Variants in ZNF697 observed in about 807,000 individuals in gnomAD.
ZNF697 encodes zinc finger protein 697.
A neutral mutation model predicts 32.4 loss-of-function variants in ZNF697; 23 were observed. That is an observed-to-expected ratio of 0.71 (90% CI 0.51 to 1.01). The LOEUF is 1.01. Among genes scored for constraint, ZNF697 ranks in the 50% least tolerant of loss-of-function variants. The pLI, the probability that ZNF697 is intolerant of heterozygous loss-of-function variation, is 0.00. For missense variants in ZNF697, 930 were observed against 794.0 expected (o/e 1.17, Z -2.06); for synonymous variants, 418 against 337.2 (o/e 1.24, Z -2.62).
chr1:119,625,611 G>A (rs587754260), intron 2 of ZNF697, among the ~76,000 whole-genome samples: 2 of 152,128 alleles, frequency 1.3e-5, no homozygotes, highest in Admixed American at 1.3e-4. Context: ...GTTGTTCCAG[G>A]GGTTAATTTA....
At position 119,621,838 on chromosome 1, in the gene ZNF697, T is replaced by G. The variant is rs1381056713; in HGVS notation, c.*867A>C. 2.0e-5 allele frequency: 3 copies of G among 151,952 alleles called. No individual in the cohort carries two copies. The highest frequency in any genetic ancestry group is 7.3e-5 in the African/African-American group (3 of 41,328). The allele number at this position is 151,952 out of a possible 1,614,324, so 9.4% of individuals were successfully genotyped here. On this transcript the variant is annotated 3_prime_UTR_variant, in exon 3 of 3. Coordinates refer to ENST00000421812, the MANE Select transcript of ZNF697 (RefSeq NM_001080470.2). Reference sequence around the variant, plus strand: ...GAGGTGGGAAAAGGAAAGTCACACATAGCTGTGATTGTTCCTTTTCCCTGC... The same window carrying G: ...GAGGTGGGAAAAGGAAAGTCACACAGAGCTGTGATTGTTCCTTTTCCCTGC...
chr1:119,623,441 C>G lies in ZNF697; in HGVS notation c.902G>C (p.Arg301Pro). Residue 301 changes from arginine to proline, a missense_variant, in exon 3 of 3, where the codon CGC (arginine) becomes CCC (proline). By Grantham distance (103) the Arg-to-Pro change is moderately radical. Transcript: ENST00000421812. ...GCGCCGGTGCTTGAGCAGGTCGGCG[C>G]GCCAGCTGAAGCTCTTGCCGCAGTC... ...CADCGKSFSW[R>P]ADLLKHRRLH... 3 of 1,548,606 alleles carry G rather than the reference C, an allele frequency of 1.9e-6. No homozygotes were observed. The highest frequency in any genetic ancestry group is 2.6e-6 in the Non-Finnish European group (3 of 1,149,092).
In ZNF697 at chr1:119,623,667, C is replaced by G. The variant is rs1211017361; in HGVS notation, c.676G>C (p.Gly226Arg). 5.2e-6 allele frequency: 8 copies of G among 1,526,076 alleles called. No individual in the cohort carries two copies. The highest frequency in any genetic ancestry group is 7.0e-6 in the Non-Finnish European group (8 of 1,142,780). 94.5% of individuals were successfully genotyped at this position (1,526,076 alleles called of 1,614,324 possible). Reference protein sequence around the residue: ...AAAAASLEPFGLAGECDAMVG... With the variant: ...AAAAASLEPFRLAGECDAMVG... ...ATCGCGTCGCACTCGCCCGCCAGGC[C>G]GAAGGGCTCCAGGCTGGCGGCGGCA... is the stretch of plus-strand genomic sequence containing the variant. The change falls in exon 3 of 3, where the codon GGC becomes CGC. Residue 226 changes from glycine to arginine, a missense_variant. Gly to Arg is a moderately radical substitution (Grantham distance 125). Transcript: ENST00000421812.
At chr1:119,645,820 C>T (rs1379705988) in intron 1 of ZNF697, among the ~76,000 whole-genome samples, 3 of 152,110 alleles carry the variant, frequency 2.0e-5, no homozygotes, top group Non-Finnish European at 4.4e-5. Context: ...AAGAAAAGCC[C>T]ATATGGTACT....
Position 119,623,581 on chromosome 1 carries a change from CCGGGCCAGCGG to C in ZNF697, c.751_761del (p.Pro251AlafsTer180). The C allele has an allele frequency of 1.4e-6, 2 of 1,453,944 alleles. No homozygotes were observed. The highest frequency in any genetic ancestry group is 1.4e-5 in the South Asian group (1 of 71,896). 90.1% of individuals were successfully genotyped at this position (1,453,944 alleles called of 1,614,324 possible). On this transcript the variant is annotated frameshift_variant, in exon 3 of 3. Transcript: ENST00000421812. LOFTEE classifies it high-confidence loss of function. The stretch of plus-strand genomic sequence containing the variant: ...AGCGGAAGGGCTTTTCGCGCGGGGG[CCGGGCCAGCGG>C]GGGCCCGGCCCCGAAGCCCCCCGCC...
In ZNF697 at chr1:119,623,527, G is replaced by A. The variant is rs1376071194; in HGVS notation, c.816C>T (p.Arg272=). The change falls in exon 3 of 3, where the codon CGC becomes CGT. Residue 272 remains arginine, a synonymous_variant. Coordinates refer to ENST00000421812, the MANE Select transcript of ZNF697 (RefSeq NM_001080470.2). ...RCGECGKGFS[R]NTYLTNHLRL... ...GCAGGTGGTTGGTCAGGTAGGTGTTGCGGCTGAAGCCCTTGCCGCACTCCC... is the reference window on the plus strand; with the variant it reads ...GCAGGTGGTTGGTCAGGTAGGTGTTACGGCTGAAGCCCTTGCCGCACTCCC... The A allele has an allele frequency of 1.3e-6, 2 of 1,559,292 alleles. No individual in the cohort carries two copies. Among genetic ancestry groups the A allele is most frequent in the South Asian group, 2.3e-5 (2 of 85,852 alleles).
Position 119,623,999 on chromosome 1 carries a change from C to G in ZNF697, c.344G>C (p.Ser115Thr). 6.2e-7 allele frequency: 1 copy of G among 1,612,714 alleles called. No individual in the cohort carries two copies. Among genetic ancestry groups the G allele is most frequent in the East Asian group, 2.2e-5 (1 of 44,842 alleles). ...GLSESDSISR[S>T]LREDDDESAG... ...ACTCTCGTCGTCGTCCTCCCGGAGG[C>G]TCCGGGATATGCTGTCAGACTCAGA... The change falls in exon 3 of 3, where the codon AGC becomes ACC. Residue 115 changes from serine to threonine, a missense_variant. By Grantham distance (58) the Ser-to-Thr change is moderately conservative. Transcript: ENST00000421812.
intron 1 of ZNF697, among the ~76,000 whole-genome samples, chr1:119,636,495 G>T (rs971161252): frequency 6.6e-6 from 1 of 152,192 alleles, no homozygotes; most frequent in Non-Finnish European, 1.5e-5. Context: ...ATCTTTTGGC[G>T]TGCTGGTGGA....
rs776342588 is a variant in ZNF697 at position 119,623,074 on chromosome 1, G to A, written c.1269C>T (p.His423=). Residue 423 remains histidine, a synonymous_variant, in exon 3 of 3, where the codon CAC becomes CAT. Coordinates refer to ENST00000421812, the MANE Select transcript of ZNF697 (RefSeq NM_001080470.2). ...AGTGCGTGCGCTTGTGCGTGAAGAG[G>A]TGCGAGCTGACGCTGAAGGTCTCGC... ...ECGETFSVSS[H]LFTHKRTHSG... The A allele has an allele frequency of 3.2e-6, 5 of 1,585,180 alleles. No individual in the cohort carries two copies. In the African/African-American group the frequency reaches 5.4e-5, roughly 17 times the overall value.
At position 119,622,680 on chromosome 1, in the gene ZNF697, C is replaced by G. The variant is rs200074846; in HGVS notation, c.*25G>C. ...ATCTACCCCCCACAGGCTCCCCAGA[C>G]GGCAGCCTCCCGCGGACCCAGCCCC... On this transcript the variant is annotated 3_prime_UTR_variant, in exon 3 of 3. Coordinates refer to ENST00000421812, the MANE Select transcript of ZNF697 (RefSeq NM_001080470.2). The G allele has an allele frequency of 2.0e-6, 3 of 1,486,752 alleles. No individual in the cohort carries two copies. Among genetic ancestry groups the G allele is most frequent in the Non-Finnish European group, 2.7e-6 (3 of 1,116,574 alleles). The allele number at this position is 1,486,752 out of a possible 1,614,324, so 92.1% of individuals were successfully genotyped here.
intron 1 of ZNF697, among the ~76,000 whole-genome samples, chr1:119,635,871 G>C (rs1270160220): frequency 6.6e-6 from 1 of 152,178 alleles, no homozygotes; most frequent in Non-Finnish European, 1.5e-5. Flanking sequence ...GAGGATGCCA[G>C]TCAAATTGCT....
intron 1 of ZNF697, among the ~76,000 whole-genome samples, chr1:119,626,444 C>T (rs1369886887): frequency 2.0e-5 from 3 of 152,156 alleles, no homozygotes; most frequent in African/African-American, 7.2e-5. Flanking sequence ...ACTAGATGTT[C>T]CCATTTTTAC....
Position 119,635,749 on chromosome 1 carries a change from A to G in ZNF697, c.-37-9612T>C, listed in dbSNP as rs144487348. On this transcript the variant is annotated intron_variant, in intron 1 of 2. Transcript: ENST00000421812. ...AAGGAAGATAACACAGTAGTGATTT[A>G]TGAAAATGTGATCTCCATGAGATGA... Among the ~76,000 whole-genome samples, 497 of 150,758 alleles carry G rather than the reference A, an allele frequency of 3.3e-3. 1 individual carries two copies. The highest frequency in any genetic ancestry group is 6.8e-3 in the Middle Eastern group (2 of 294).
intron 1 of ZNF697, among the ~76,000 whole-genome samples, chr1:119,636,504 G>A (rs1409776854): frequency 1.3e-5 from 2 of 152,182 alleles, no homozygotes; most frequent in Non-Finnish European, 2.9e-5. Context: ...CGTGCTGGTG[G>A]AAAAGAGAAG....
At chr1:119,624,141 G>T (rs748578789) in intron 2 of ZNF697, 25 bp from the exon 3 acceptor site, 2 of 1,534,538 alleles carry the variant, frequency 1.3e-6, no homozygotes, top group Non-Finnish European at 1.8e-6. Context: ...GGTGGCAGTG[G>T]GGGATTACTA....
At chr1:119,627,478 T>C (rs1289615240) in intron 1 of ZNF697, among the ~76,000 whole-genome samples, 2 of 152,218 alleles carry the variant, frequency 1.3e-5, no homozygotes, top group Admixed American at 6.5e-5. Context: ...AGAAGGAAAC[T>C]AATGAAAAAG....
chr1:119,648,030 C>A lies in ZNF697; in HGVS notation c.-377G>T, dbSNP rs1402112060. Among the ~76,000 whole-genome samples, 1 of 152,238 alleles carries A rather than the reference C, an allele frequency of 6.6e-6. No homozygotes were observed. The highest frequency in any genetic ancestry group is 1.9e-4 in the East Asian group (1 of 5,188). The stretch of plus-strand genomic sequence containing the variant: ...CGGGTCTGGTCCCGATCAGCCCCAT[C>A]CCCGGGAGGCGGTTGAGCCCAGCCA... On this transcript the variant is annotated 5_prime_UTR_variant, in exon 1 of 3. Transcript: ENST00000421812.
At chr1:119,646,299 C>A (rs1467000657) in intron 1 of ZNF697, among the ~76,000 whole-genome samples, 1 of 147,452 alleles carries the variant, frequency 6.8e-6, no homozygotes, top group East Asian at 2.0e-4. Context: ...ATCAACTTTC[C>A]CTTAACAACA....
In ZNF697 at chr1:119,645,519, G is replaced by C. The variant is rs182223362; in HGVS notation, c.-38+2172C>G. On this transcript the variant is annotated intron_variant, in intron 1 of 2. Transcript: ENST00000421812. ...ACAAAAATAATTAGGGACAGGTACA[G>C]GGATGTCCAGCAAGCATGGGGTTCA... is the stretch of plus-strand genomic sequence containing the variant. 7.9e-3 allele frequency among the ~76,000 whole-genome samples: 1,199 copies of C among 152,318 alleles called. 66 individuals carry two copies. Among genetic ancestry groups the C allele is most frequent in the Admixed American group, 0.067 (1,031 of 15,300 alleles).
Sources: allele counts gnomAD v4.1 joint callset (sites outside exome capture counted in the v4.1 genomes callset), GRCh38; gene constraint gnomAD v4.1.1; transcripts MANE v1.5; gene names NCBI Gene and HGNC (gene_info 2026-07-23, HGNC 2026-07-21).